KANK1: variants seen among roughly 807,000 people sequenced by gnomAD.
KANK1 encodes KN motif and ankyrin repeat domain-containing protein 1.
A neutral mutation model predicts 106.2 loss-of-function variants in KANK1; 109 were observed. That is an observed-to-expected ratio of 1.03 (90% confidence interval 0.88 to 1.20). The LOEUF (loss-of-function observed/expected upper bound fraction) is 1.20, where lower values mean the gene tolerates loss of function less well. Among genes scored for constraint, KANK1 ranks in the 50% most tolerant of loss-of-function variants. KANK1 has a pLI of 0.00. For missense variants in KANK1, 2,399 were observed against 1,710.7 expected (o/e 1.40, Z -7.10); for synonymous variants, 873 against 652.2 (o/e 1.34, Z -5.16).
chr9:553,182 T>G (rs941069299), intron 1 of KANK1, among the ~76,000 whole-genome samples: 8 of 152,142 alleles, frequency 5.3e-5, no homozygotes, highest in African/African-American at 1.7e-4. Context: ...TCACCTTTAT[T>G]TAAAAAAATC....
intron 1 of KANK1, among the ~76,000 whole-genome samples, chr9:608,766 C>G (rs1422388065): frequency 6.6e-6 from 1 of 152,196 alleles, no homozygotes. Context: ...TAGATGAAGG[C>G]AACTCACAGA....
At chr9:685,188 C>T (rs575118252) in intron 2 of KANK1, among the ~76,000 whole-genome samples, 3 of 152,242 alleles carry the variant, frequency 2.0e-5, no homozygotes, top group Middle Eastern at 3.4e-3. Context: ...ATTATGAATC[C>T]GGAAAACACA....
intron 3 of KANK1, among the ~76,000 whole-genome samples, chr9:497,023 A>G (rs1477329694): frequency 1.3e-5 from 2 of 152,176 alleles, no homozygotes; most frequent in Non-Finnish European, 2.9e-5. Flanking sequence ...CCACGGAGAA[A>G]ATGTATTCAT....
intron 1 of KANK1, among the ~76,000 whole-genome samples, chr9:650,095 T>A (rs1840553252): frequency 6.6e-6 from 1 of 152,204 alleles, no homozygotes; most frequent in Non-Finnish European, 1.5e-5. Flanking sequence ...GAAATTTGTA[T>A]AAAGGTGGAG....
chr9:616,819 A>G (rs567051180), intron 1 of KANK1, among the ~76,000 whole-genome samples: 20 of 152,332 alleles, frequency 1.3e-4, no homozygotes, highest in East Asian at 1.2e-3. Context: ...AGAGGAAGGA[A>G]AGAAAGCAAG....
At position 508,104 on chromosome 9, in the gene KANK1, G is replaced by C. The variant is rs375390770; in HGVS notation, c.-84+3350G>C. ...CCCAAAGTGTTGGGATTACAGGTGT[G>C]AGACACCCTGCTCAGCCTTTTTTTT... On this transcript the variant is annotated intron_variant, in intron 1 of 11. Coordinates refer to ENST00000382297, the MANE Select transcript of KANK1 (RefSeq NM_015158.5). Among the ~76,000 whole-genome samples, 7 of 137,114 alleles carry C rather than the reference G, an allele frequency of 5.1e-5. No homozygotes were observed. In the East Asian group the frequency reaches 9.8e-4, roughly 19 times the overall value. The allele number at this position is 137,114 out of a possible 152,430, so 90.0% of individuals were successfully genotyped here.
At chr9:553,091 A>T (rs533791243) in intron 1 of KANK1, among the ~76,000 whole-genome samples, 4 of 152,272 alleles carry the variant, frequency 2.6e-5, no homozygotes, top group African/African-American at 9.6e-5. Context: ...GGCTGCAGTG[A>T]GCCATGATTG....
chr9:639,100 C>T (rs952139658), intron 1 of KANK1, among the ~76,000 whole-genome samples: 2 of 151,972 alleles, frequency 1.3e-5, no homozygotes, highest in African/African-American at 4.8e-5. Context: ...GACATGCTTT[C>T]CCCCCACACA....
intron 2 of KANK1, among the ~76,000 whole-genome samples, chr9:706,582 T>TTTA (rs1234482794): frequency 1.4e-5 from 2 of 146,430 alleles, no homozygotes; most frequent in Admixed American, 6.8e-5. Context: ...TTTTTTTTTT[T>TTTA]AATGTTTTAC....
intron 1 of KANK1, among the ~76,000 whole-genome samples, chr9:614,344 A>C (rs1831286099): frequency 6.6e-6 from 1 of 152,186 alleles, no homozygotes; most frequent in Non-Finnish European, 1.5e-5. Flanking sequence ...AGGTAATAGG[A>C]TCTTTTACCC....
intron 1 of KANK1, among the ~76,000 whole-genome samples, chr9:555,331 T>C (rs951737860): frequency 6.6e-6 from 1 of 152,178 alleles, no homozygotes; most frequent in African/African-American, 2.4e-5. Flanking sequence ...CTGCCTCCCC[T>C]ACCTTCCACA....
Position 712,655 on chromosome 9 carries a change from G to T in KANK1, c.1889G>T (p.Cys630Phe). ...CTCAAAGAAGTGCGGTCTATCGGTTGTGGAGATTGTTCTGTTGACGTGACC... is the reference window on the plus strand; with the variant it reads ...CTCAAAGAAGTGCGGTCTATCGGTTTTGGAGATTGTTCTGTTGACGTGACC... ...LNLKEVRSIG[C>F]GDCSVDVTVC... Residue 630 changes from cysteine (C) to phenylalanine (F), a missense_variant, in exon 3 of 12, where the codon TGT becomes TTT. By Grantham distance (205) the Cys-to-Phe change is radical (BLOSUM62 -2). Transcript: ENST00000382297. 6.2e-7 allele frequency: 1 copy of T among 1,614,188 alleles called. No homozygotes were observed. Among genetic ancestry groups the T allele is most frequent in the Non-Finnish European group, 8.5e-7 (1 of 1,180,046 alleles).
rs373595923 is a variant in KANK1, at chr9:742,453, G to A, written c.3897+48G>A. The A allele has an allele frequency of 3.8e-5, 57 of 1,480,776 alleles. No individual in the cohort carries two copies. In the African/African-American group the frequency reaches 6.5e-4, roughly 17 times the overall value. The allele number at this position is 1,480,776 out of a possible 1,614,324, so 91.7% of individuals were successfully genotyped here. On this transcript the variant is annotated intron_variant, in intron 10 of 11. Transcript: ENST00000382297. ...CCTGGCCAGGGGTCTGGGGGACTCTGGACGGGAGCTCTGGGAGTGCCTTTT... is the reference window on the plus strand; with the variant it reads ...CCTGGCCAGGGGTCTGGGGGACTCTAGACGGGAGCTCTGGGAGTGCCTTTT...
rs146128573 is a variant in KANK1 at position 734,800 on chromosome 9, A to T, written c.3298A>T (p.Ile1100Leu). ...LSACNLLKNT[I>L]NDPKALTSKD... is the part of the protein sequence containing the mutation. ...TGCATGCAACTTACTGAAAAATACT[A>T]TAAATGACCCCAAAGCTTTGACCAG... The change falls in exon 7 of 12, where the codon ATA (isoleucine) becomes TTA (leucine). Residue 1100 changes from isoleucine (I) to leucine (L), a missense_variant. Transcript: ENST00000382297. 6.2e-7 allele frequency: 1 copy of T among 1,613,872 alleles called. No individual in the cohort carries two copies. Among genetic ancestry groups the T allele is most frequent in the East Asian group, 2.2e-5 (1 of 44,886 alleles).
chr9:581,234 C>T (rs535582328), intron 1 of KANK1, among the ~76,000 whole-genome samples: 8 of 152,342 alleles, frequency 5.3e-5, no homozygotes, highest in African/African-American at 1.7e-4. Context: ...AGTGCAGCGG[C>T]GGGCTGAAGG....
At chr9:473,742 C>T (rs1232842870) in intron 3 of KANK1, among the ~76,000 whole-genome samples, 3 of 151,844 alleles carry the variant, frequency 2.0e-5, no homozygotes, top group African/African-American at 7.3e-5. Flanking sequence ...TCTCTGTCAC[C>T]AGGGTGGAAT....
chr9:596,107 A>G (rs1826141665), intron 1 of KANK1, among the ~76,000 whole-genome samples: 2 of 151,838 alleles, frequency 1.3e-5, no homozygotes, highest in Admixed American at 1.3e-4. Flanking sequence ...AATTTTGTGC[A>G]TGAAATAAAG....
At chr9:732,010 G>A (rs1157671691) in intron 5 of KANK1, 9 of 176,978 alleles carry the variant, frequency 5.1e-5, no homozygotes, top group Admixed American at 3.9e-4. Context: ...TATTCCCCTT[G>A]ATACTGGGAG....
chr9:714,391 G>A lies in KANK1; in HGVS notation c.2698+927G>A, dbSNP rs567853724. Among the ~76,000 whole-genome samples the A allele has an allele frequency of 3.7e-4, 50 of 136,490 alleles. 1 individual carries two copies. Among genetic ancestry groups the A allele is most frequent in the African/African-American group, 1.2e-3 (44 of 35,590 alleles). The allele number at this position is 136,490 out of a possible 152,430, so 89.5% of individuals were successfully genotyped here. A position where few individuals can be genotyped will look rare whatever the true frequency, so the allele number is the denominator to read the frequency against. ...TTTTTTTTTTTTTTGAGACAGAGTC[G>A]CTCTGTCACCCAGGCTGGAGGGTGG... is the stretch of plus-strand genomic sequence containing the variant. On this transcript the variant is annotated intron_variant, in intron 3 of 11. Transcript: ENST00000382297.
Sources: allele counts gnomAD v4.1 joint callset (sites outside exome capture counted in the v4.1 genomes callset), GRCh38; gene constraint gnomAD v4.1.1; transcripts MANE v1.5; gene names NCBI Gene and HGNC (gene_info 2026-07-23, HGNC 2026-07-21).